The following SELENOP variants were observed in gnomAD, a reference collection of about 807,000 sequenced individuals.
The protein encoded by SELENOP is selenoprotein P, plasma, 1.
SELENOP carries 36 observed loss-of-function variants against 41.0 expected under a neutral mutation model. The observed-to-expected ratio is 0.88, with a 90% CI of 0.67 to 1.16. The LOEUF is 1.16. Ranked by LOEUF, SELENOP falls within the 50% of genes most tolerant of loss-of-function variation. The pLI is 0.00. For synonymous variants in SELENOP, 144 were observed against 150.8 expected (o/e 0.95, Z 0.33); for missense variants, 440 against 454.2 (o/e 0.97, Z 0.28).
intron 2 of SELENOP, chr5:42,807,341 C>G: frequency 3.4e-6 from 1 of 296,640 alleles, no homozygotes; most frequent in Non-Finnish European, 6.4e-6. Context: ...TGGTTTAGTT[C>G]TCAAATTAGC....
At position 42,801,108 on chromosome 5, in the gene SELENOP, T is replaced by C. The variant is rs1421141482; in HGVS notation, c.758A>G (p.His253Arg). The change falls in exon 5 of 5, where the codon CAT becomes CGT. Residue 253 changes from histidine to arginine, a missense_variant. Coordinates refer to ENST00000514985, the MANE Select transcript of SELENOP (RefSeq NM_005410.4). ...TCGGTTCTCTGGGTGACCCTGCCTA[T>C]GCTGACCCTTGTGCTTATGGTGGTG... ...LHHHHKHKGQ[H>R]RQGHPENRDM... The C allele has an allele frequency of 5.0e-6, 8 of 1,614,168 alleles. No homozygotes were observed. The highest frequency in any genetic ancestry group is 1.7e-4 in the Middle Eastern group (1 of 6,060).
At position 42,800,739 on chromosome 5, in the gene SELENOP, C is replaced by T; in HGVS notation, c.1127G>A (p.Sec376Ter). 6.2e-7 allele frequency: 1 copy of T among 1,605,214 alleles called. No homozygotes were observed. Among genetic ancestry groups the T allele is most frequent in the South Asian group, 1.1e-5 (1 of 90,406 alleles). The change falls in exon 5 of 5, where the codon TGA becomes TAA. Residue 376 changes from selenocysteine to a stop codon, truncating the protein, a stop_gained. Transcript: ENST00000514985. LOFTEE classifies it high-confidence loss of function. Reference sequence around the variant, plus strand: ...AAATATTTAGTTTGAAGGTCATTCTCACTTTTTTGCCTGATTCTTTCAGCG... The same window carrying T: ...AAATATTTAGTTTGAAGGTCATTCTTACTTTTTTGCCTGATTCTTTCAGCG... Reference protein sequence around the residue: ...SURUKNQAKKUEUPSN With the variant: ...SURUKNQAKK
In SELENOP at chr5:42,808,233, G is replaced by T; in HGVS notation, c.121C>A (p.Pro41Thr). Residue 41 changes from proline to threonine, a missense_variant, in exon 2 of 5, where the codon CCA becomes ACA. Pro to Thr is a conservative substitution (Grantham distance 38). Coordinates refer to ENST00000514985, the MANE Select transcript of SELENOP (RefSeq NM_005410.4). ...PPAWSIRDQD[P>T]MLNSNGSVTV... ...ACTGAACCATTGGAGTTTAGCATTG[G>T]ATCTTGATCTCTTATGCTCCAGGCT... 6.3e-7 allele frequency: 1 copy of T among 1,582,576 alleles called. No homozygotes were observed. The highest frequency in any genetic ancestry group is 8.6e-7 in the Non-Finnish European group (1 of 1,164,634).
Position 42,807,053 on chromosome 5 carries a change from T to C in SELENOP, c.259A>G (p.Ile87Val). ...KKEGYSNISYIVVNHQGISSR... is the reference protein window; with the variant it reads ...KKEGYSNISYVVVNHQGISSR... ...GAGATTCCTTGATGATTAACAACAA[T>C]ATAAGAAATATTAGAATATCCTTCT... The change falls in exon 3 of 5, where the codon ATT becomes GTT. Residue 87 changes from isoleucine (I) to valine (V), a missense_variant. Ile to Val is a conservative substitution (Grantham distance 29). Coordinates refer to ENST00000514985, the MANE Select transcript of SELENOP (RefSeq NM_005410.4). The C allele has an allele frequency of 6.4e-7, 1 of 1,558,772 alleles. No homozygotes were observed. Among genetic ancestry groups the C allele is most frequent in the Non-Finnish European group, 8.8e-7 (1 of 1,132,950 alleles).
intron 4 of SELENOP, 56 bp from the exon 5 acceptor site, chr5:42,801,387 G>T (rs181104358): frequency 1.5e-6 from 2 of 1,291,622 alleles, no homozygotes; most frequent in African/African-American, 1.5e-5. Context: ...GGAATAATGC[G>T]TGAAAAATGA....
Position 42,806,985 on chromosome 5 carries a change from C to A in SELENOP, c.327G>T (p.Glu109Asp). 1 of 1,609,370 alleles carries A rather than the reference C, an allele frequency of 6.2e-7. No individual in the cohort carries two copies. Among genetic ancestry groups the A allele is most frequent in the Non-Finnish European group, 8.5e-7 (1 of 1,176,362 alleles). The change falls in exon 3 of 5, where the codon GAG becomes GAT. Residue 109 changes from glutamate (E) to aspartate (D), a missense_variant. Glu to Asp is a conservative substitution (Grantham distance 45). Coordinates refer to ENST00000514985, the MANE Select transcript of SELENOP (RefSeq NM_005410.4). ...CTTCTTGTTGATAAACAGGAATATG[C>A]TCTGAAACCTTATTCTTAAGATGTG... Reference protein sequence around the residue: ...KYTHLKNKVSEHIPVYQQEEN... With the variant: ...KYTHLKNKVSDHIPVYQQEEN...
At chr5:42,809,519 G>A (rs143182496) in intron 1 of SELENOP, among the ~76,000 whole-genome samples, 265 of 152,266 alleles carry the variant, frequency 1.7e-3, no homozygotes, top group African/African-American at 6.2e-3. Flanking sequence ...GAGAGATCAG[G>A]ACAAAATTTG....
chr5:42,802,194 AATAT>A (rs1413306534), intron 4 of SELENOP: 1 of 152,162 alleles, frequency 6.6e-6, no homozygotes, highest in Non-Finnish European at 1.5e-5. Flanking sequence ...CATTGACCAT[AATAT>A]CCATTCCGCA....
intron 3 of SELENOP, 49 bp from the exon 4 acceptor site, chr5:42,804,822 G>A (rs1377517875): frequency 5.1e-6 from 6 of 1,183,910 alleles, no homozygotes; most frequent in Admixed American, 1.8e-5. Context: ...TCTGTATCAC[G>A]ATCCTACTCA....
At chr5:42,802,935 C>T (rs1760245431) in intron 4 of SELENOP, among the ~76,000 whole-genome samples, 1 of 151,276 alleles carries the variant, frequency 6.6e-6, no homozygotes, top group Non-Finnish European at 1.5e-5. Context: ...AAACGAATTA[C>T]TATATTTTAC....
rs1760378195 is a variant in SELENOP at position 42,808,248 on chromosome 5, T to C, written c.106A>G (p.Ile36Val). Residue 36 changes from isoleucine (I) to valine (V), a missense_variant, in exon 2 of 5, where the codon ATA (isoleucine) becomes GTA (valine). Coordinates refer to ENST00000514985, the MANE Select transcript of SELENOP (RefSeq NM_005410.4). The stretch of plus-strand genomic sequence containing the variant: ...TTTAGCATTGGATCTTGATCTCTTA[T>C]GCTCCAGGCTGGGGGTTGCTTACAT... Reference protein sequence around the residue: ...SLCKQPPAWSIRDQDPMLNSN... With the variant: ...SLCKQPPAWSVRDQDPMLNSN... 3 of 1,577,454 alleles carry C rather than the reference T, an allele frequency of 1.9e-6. No individual in the cohort carries two copies. The highest frequency in any genetic ancestry group is 1.4e-5 in the African/African-American group (1 of 72,904).
intron 2 of SELENOP, chr5:42,807,946 T>G (rs1158527850): frequency 5.9e-6 from 2 of 341,398 alleles, no homozygotes; most frequent in Non-Finnish European, 1.0e-5. Flanking sequence ...AAGAAAAAAT[T>G]TCCATAACCC....
At chr5:42,807,956 C>A in intron 2 of SELENOP, 195 bp downstream of exon 2, 1 of 359,352 alleles carries the variant, frequency 2.8e-6, no homozygotes, top group Non-Finnish European at 4.9e-6. Context: ...TTCCATAACC[C>A]TAGGAAACCC....
chr5:42,810,273 AT>A (rs1042497396), intron 1 of SELENOP, among the ~76,000 whole-genome samples: 3 of 152,176 alleles, frequency 2.0e-5, no homozygotes, highest in African/African-American at 7.2e-5. Flanking sequence ...GCCGCCAACT[AT>A]TTTTGTTTAT....
At chr5:42,802,450 C>T (rs1398006562) in intron 4 of SELENOP, 1 of 152,120 alleles carries the variant, frequency 6.6e-6, no homozygotes, top group East Asian at 1.9e-4. Context: ...CTAAGTGGTA[C>T]TTTATTTGGT....
At chr5:42,802,499 T>G (rs537129654) in intron 4 of SELENOP, 1 of 152,364 alleles carries the variant, frequency 6.6e-6, no homozygotes, top group South Asian at 2.1e-4. Context: ...CTAATAATGT[T>G]TGCTTACAAA....
chr5:42,808,170 A>G lies in SELENOP; in HGVS notation c.184T>C (p.Cys62Arg). ...TCTTACTTAGATGCCTGCAGTATGC[A>G]CAGGTATCAGCTGGCTTGAAGAAGA... ...VALLQASUYL[C>R]ILQASKLEDL... Residue 62 changes from cysteine to arginine, a missense_variant, in exon 2 of 5, where the codon TGC becomes CGC. Cys to Arg is a radical substitution (Grantham distance 180, BLOSUM62 -3). Transcript: ENST00000514985. The G allele has an allele frequency of 1.3e-6, 2 of 1,547,438 alleles. No individual in the cohort carries two copies. Among genetic ancestry groups the G allele is most frequent in the South Asian group, 1.3e-5 (1 of 79,704 alleles).
chr5:42,801,643 A>G, intron 4 of SELENOP: 1 of 366,096 alleles, frequency 2.7e-6, no homozygotes, highest in Non-Finnish European at 4.8e-6. Context: ...TGGGCCGAGC[A>G]TGGTGGCTCA....
At position 42,804,761 on chromosome 5, in the gene SELENOP, A is replaced by G; in HGVS notation, c.429T>C (p.Leu143=). 1 of 1,593,464 alleles carries G rather than the reference A, an allele frequency of 6.3e-7. No individual in the cohort carries two copies. ...DFLIYDRCGR[L]VYHLGLPFSF... is the part of the protein sequence containing the mutation. ...AAAAAGGCAAACCAAGATGATATAC[A>G]AGACGGCCACATCTAAGAAAAAGGA... The change falls in exon 4 of 5, where the codon CTT becomes CTC. Residue 143 remains leucine (L), a synonymous_variant. Transcript: ENST00000514985.
Sources: allele counts gnomAD v4.1 joint callset (sites outside exome capture counted in the v4.1 genomes callset), GRCh38; gene constraint gnomAD v4.1.1; transcripts MANE v1.5; gene names NCBI Gene and HGNC (gene_info 2026-07-23, HGNC 2026-07-21).